Variants in DNAH3 observed in about 807,000 individuals in gnomAD.
The protein encoded by DNAH3 is dynein axonemal heavy chain 3, also known as axonemal beta dynein heavy chain 3.
DNAH3 carries 332 observed loss-of-function variants against 432.5 expected under a neutral mutation model. That is an observed-to-expected ratio of 0.77 (90% confidence interval 0.70 to 0.84). DNAH3 has a LOEUF of 0.84. Among genes scored for constraint, DNAH3 ranks in the 40% least tolerant of loss-of-function variants. The pLI, the probability that DNAH3 is intolerant of heterozygous loss-of-function variation, is 0.00. For missense variants in DNAH3, 4,861 were observed against 5,114.0 expected, an observed-to-expected ratio of 0.95 and a Z score of 1.51; for synonymous variants, 1,956 against 1,900.2, an observed-to-expected ratio of 1.03 and a Z score of -0.76.
chr16:21,028,958 T>C (rs2088724030), intron 37 of DNAH3, among the ~76,000 whole-genome samples: 1 of 152,220 alleles, frequency 6.6e-6, no homozygotes, highest in African/African-American at 2.4e-5. Context: ...GGTCACTGCC[T>C]GCATCCCCAG....
intron 29 of DNAH3, 38 bp downstream of exon 29, chr16:21,051,632 T>TC (rs757633390): frequency 4.2e-5 from 68 of 1,603,006 alleles, no homozygotes; most frequent in Admixed American, 3.7e-4. Flanking sequence ...CCTGGAGTTC[T>TC]CCGTTCACCC....
At chr16:20,996,879 G>A (rs941357430) in intron 44 of DNAH3, 1 of 172,164 alleles carries the variant, frequency 5.8e-6, no homozygotes, top group Non-Finnish European at 1.2e-5. Context: ...TATTTTTATT[G>A]TTATTAATTT....
chr16:21,018,498 A>T (rs887864748), intron 41 of DNAH3, among the ~76,000 whole-genome samples: 1 of 152,236 alleles, frequency 6.6e-6, no homozygotes, highest in African/African-American at 2.4e-5. Context: ...CATCTTCCTT[A>T]TAAGAAATGA....
chr16:20,948,023 G>A (rs890008759), intron 57 of DNAH3, among the ~76,000 whole-genome samples: 3 of 152,136 alleles, frequency 2.0e-5, no homozygotes, highest in South Asian at 2.1e-4. Flanking sequence ...TGATCCACCC[G>A]CCTCAGCCTC....
At chr16:20,963,639 C>T (rs765157933) in exon 53 of DNAH3, 16 of 1,614,042 alleles carry the variant, frequency 9.9e-6, no homozygotes, top group Non-Finnish European at 1.3e-5. Flanking sequence ...CCTTCTCAGA[C>T]AGCCATTGGG....
rs1407069757 is a variant in DNAH3 at position 20,948,647 on chromosome 16, A to AC, written c.11189-11dup. On this transcript the variant is annotated splice_polypyrimidine_tract_variant and intron_variant, in intron 56 of 61. Coordinates refer to ENST00000261383, the Ensembl canonical transcript of DNAH3. ...CCGTAATTACATTCCCCTGGGGACA[A>AC]CCAACAGAAGGAGAGGTTGAGCCCA... 3.7e-6 allele frequency: 6 copies of AC among 1,614,032 alleles called. No homozygotes were observed. The highest frequency in any genetic ancestry group is 5.1e-6 in the Non-Finnish European group (6 of 1,179,976).
intron 60 of DNAH3, among the ~76,000 whole-genome samples, chr16:20,936,036 C>T (rs541498490): frequency 1.3e-5 from 2 of 152,186 alleles, no homozygotes; most frequent in East Asian, 3.9e-4. Context: ...GTACAAACAT[C>T]GGATTTTTAT....
chr16:20,985,541 T>G, exon 48 of DNAH3: 1 of 1,614,226 alleles, frequency 6.2e-7, no homozygotes, highest in African/African-American at 1.3e-5. Context: ...ATGGGGGCCT[T>G]GCTGATGTTG....
chr16:21,003,697 C>T (rs1442504058), intron 41 of DNAH3, among the ~76,000 whole-genome samples: 1 of 152,154 alleles, frequency 6.6e-6, no homozygotes, highest in African/African-American at 2.4e-5. Flanking sequence ...ATCACTCAAA[C>T]CCAGGAGGCC....
intron 28 of DNAH3, among the ~76,000 whole-genome samples, chr16:21,054,143 G>C (rs1478640551): frequency 1.3e-5 from 2 of 152,160 alleles, no homozygotes; most frequent in African/African-American, 4.8e-5. Context: ...CCAAGGAAAT[G>C]ATTCCACGTT....
intron 16 of DNAH3, 48 bp from the exon 17 acceptor site, chr16:21,098,817 ACT>A: frequency 6.3e-7 from 1 of 1,579,434 alleles, no homozygotes; most frequent in African/African-American, 1.4e-5. Flanking sequence ...CATTTTGTGC[ACT>A]TTCAAAACAT....
At chr16:20,995,775 C>T (rs1347873206) in intron 44 of DNAH3, among the ~76,000 whole-genome samples, 3 of 152,190 alleles carry the variant, frequency 2.0e-5, no homozygotes, top group South Asian at 4.1e-4. Flanking sequence ...TGAGAAATCA[C>T]GGGGGCTAGC....
In DNAH3 at chr16:20,965,452, T is replaced by C. The variant is rs780678392; in HGVS notation, c.8459-27A>G. ...TATTTGGAACAAGAAACAGAGATAA[T>C]GTGTTAAGACATTCTGGCCAAGACT... On this transcript the variant is annotated intron_variant, in intron 52 of 61. Coordinates refer to ENST00000261383, the Ensembl canonical transcript of DNAH3. 1.3e-5 allele frequency: 19 copies of C among 1,496,946 alleles called. No homozygotes were observed. The Admixed American group carries it at 3.0e-4, about 23-fold the overall frequency. 92.7% of individuals were successfully genotyped at this position (1,496,946 alleles called of 1,614,324 possible).
intron 56 of DNAH3, among the ~76,000 whole-genome samples, chr16:20,950,715 C>A (rs1056145110): frequency 2.0e-4 from 31 of 152,164 alleles, no homozygotes; most frequent in Admixed American, 3.3e-4. Context: ...TGCATTTTGA[C>A]CTTCAGCCAT....
exon 48 of DNAH3, chr16:20,985,362 G>T (rs748814479): frequency 4.3e-6 from 7 of 1,614,210 alleles, no homozygotes; most frequent in East Asian, 2.2e-5. Flanking sequence ...AGTTCTTGGT[G>T]ATCTCAATCT....
rs34245316 is a variant in DNAH3, at chr16:20,972,739, ATTT to A, written c.8259+2491_8259+2493del. On this transcript the variant is annotated intron_variant, in intron 51 of 61. Transcript: ENST00000261383. ...TGCCCTTCTGAGACAATGCCCCGTG[ATTT>A]TTTTTTTTTTTTTTTTTTTTTGGTC... Among the ~76,000 whole-genome samples the A allele has an allele frequency of 2.4e-4, 23 of 95,958 alleles. No individual in the cohort carries two copies. The South Asian group carries it at 4.8e-3, about 20-fold the overall frequency. 63.0% of individuals were successfully genotyped at this position (95,958 alleles called of 152,430 possible). A position where few individuals can be genotyped will look rare whatever the true frequency, so the allele number is the denominator to read the frequency against.
chr16:21,000,555 G>A (rs1260077583), intron 42 of DNAH3, 37 bp from the exon 43 acceptor site: 4 of 1,545,582 alleles, frequency 2.6e-6, no homozygotes, highest in Non-Finnish European at 3.5e-6. Flanking sequence ...TCGGTTGTGG[G>A]CCCAGGAAGC....
intron 17 of DNAH3, 98 bp from the exon 18 acceptor site, chr16:21,097,597 G>C (rs983461728): frequency 3.5e-6 from 5 of 1,413,658 alleles, no homozygotes. Flanking sequence ...AAACCAAGTG[G>C]AGGGAAATGC....
intron 23 of DNAH3, among the ~76,000 whole-genome samples, chr16:21,067,759 G>C (rs12934943): frequency 2.1e-5 from 1 of 47,202 alleles, no homozygotes; most frequent in Non-Finnish European, 4.4e-5. Flanking sequence ...GCCAGTCTTG[G>C]GGGGGGGGGT....
Sources: allele counts gnomAD v4.1 joint callset (sites outside exome capture counted in the v4.1 genomes callset), GRCh38; gene constraint gnomAD v4.1.1; transcripts MANE v1.5; gene names NCBI Gene and HGNC (gene_info 2026-07-23, HGNC 2026-07-21).